PHF20: variants seen among roughly 807,000 people sequenced by gnomAD.
The protein encoded by PHF20 is glioma-expressed antigen 2.
In PHF20, 23 loss-of-function variants were observed where a neutral mutation model predicts 113.5. The observed-to-expected ratio is 0.20, with a 90% CI of 0.15 to 0.29. PHF20 has a LOEUF of 0.29. Ranked by LOEUF, PHF20 falls within the 10% of genes least tolerant of loss-of-function variation. The pLI, the probability that PHF20 is intolerant of heterozygous loss-of-function variation, is 1.00. For synonymous variants in PHF20, 434 were observed against 457.3 expected (o/e 0.95, Z 0.65); for missense variants, 943 against 1,219.6 (o/e 0.77, Z 3.38).
intron 2 of PHF20, among the ~76,000 whole-genome samples, chr20:35,816,195 T>C (rs1160655026): frequency 1.3e-5 from 2 of 152,152 alleles, no homozygotes. Flanking sequence ...GACCTCGTGA[T>C]CCACTTACCT....
At chr20:35,842,788 C>T (rs747716370) in intron 3 of PHF20, 44 bp downstream of exon 3, 1 of 1,548,720 alleles carries the variant, frequency 6.5e-7, no homozygotes, top group Non-Finnish European at 8.8e-7. Flanking sequence ...CAAGGTCAGC[C>T]ATTGGGCTGT....
intron 2 of PHF20, among the ~76,000 whole-genome samples, chr20:35,841,373 G>A (rs981395716): frequency 1.3e-5 from 2 of 151,714 alleles, no homozygotes; most frequent in East Asian, 3.9e-4. Flanking sequence ...AAAATAAAAC[G>A]AAACAATAGC....
chr20:35,941,060 C>T lies in PHF20; in HGVS notation c.2896+13C>T, dbSNP rs201339133. 1.2e-6 allele frequency: 2 copies of T among 1,607,678 alleles called. No homozygotes were observed. The highest frequency in any genetic ancestry group is 2.7e-5 in the African/African-American group (2 of 74,794). ...AAGGAGTTGGATGGTAGGGCTCCTTCATTGGCCCCCTGTGCATTGGCATGC... is the reference window on the plus strand; with the variant it reads ...AAGGAGTTGGATGGTAGGGCTCCTTTATTGGCCCCCTGTGCATTGGCATGC... On this transcript the variant is annotated intron_variant, in intron 17 of 17. Transcript: ENST00000374012.
At chr20:35,781,079 C>G (rs946771703) in intron 1 of PHF20, among the ~76,000 whole-genome samples, 1 of 151,698 alleles carries the variant, frequency 6.6e-6, no homozygotes, top group Non-Finnish European at 1.5e-5. Flanking sequence ...TCTCGAACCC[C>G]TGACCTCAGG....
At chr20:35,917,248 T>A in intron 12 of PHF20, 1 of 611,190 alleles carries the variant, frequency 1.6e-6, no homozygotes, top group South Asian at 1.5e-5. Context: ...GCCGTTGGGC[T>A]TCATTCTCTC....
In PHF20 at chr20:35,884,025, T is replaced by A. The variant is rs528114713; in HGVS notation, c.1282+12196T>A. ...TGAATTCTTTGAGTTGTGGAAAATGTCTTGATCTGGAAACTGAATGGTGTT... is the reference window on the plus strand; with the variant it reads ...TGAATTCTTTGAGTTGTGGAAAATGACTTGATCTGGAAACTGAATGGTGTT... On this transcript the variant is annotated intron_variant, in intron 9 of 17. Transcript: ENST00000374012. Among the ~76,000 whole-genome samples the A allele has an allele frequency of 3.9e-5, 6 of 152,258 alleles. 1 individual carries two copies. In the South Asian group the frequency reaches 1.2e-3, roughly 32 times the overall value.
In PHF20 at chr20:35,899,465, T is replaced by C. The variant is rs761432695; in HGVS notation, c.1378T>C (p.Leu460=). Residue 460 remains leucine, a synonymous_variant, in exon 10 of 18, where the codon TTA becomes CTA. Coordinates refer to ENST00000374012, the MANE Select transcript of PHF20 (RefSeq NM_016436.5). ...HKFRCKVVDC[L]KFFRKAKLLH... Reference sequence around the variant, plus strand: ...GTTTAGATGCAAAGTTGTGGACTGTTTAAAATTTTTCCGCAAAGCCAAACT... The same window carrying C: ...GTTTAGATGCAAAGTTGTGGACTGTCTAAAATTTTTCCGCAAAGCCAAACT... 3.1e-6 allele frequency: 5 copies of C among 1,614,060 alleles called. No individual in the cohort carries two copies. Among genetic ancestry groups the C allele is most frequent in the Non-Finnish European group, 8.5e-7 (1 of 1,180,024 alleles).
chr20:35,855,210 A>G (rs2146958408), intron 4 of PHF20: 1 of 1,287,086 alleles, frequency 7.8e-7, no homozygotes. Context: ...TTAGAATTCC[A>G]TAGCATTGTT....
chr20:35,835,965 A>C (rs1239109595), intron 2 of PHF20, among the ~76,000 whole-genome samples: 1 of 152,088 alleles, frequency 6.6e-6, no homozygotes, highest in African/African-American at 2.4e-5. Context: ...ATAAAAGAGA[A>C]AACTTTTATA....
chr20:35,808,248 CT>C (rs1281296360), intron 2 of PHF20, among the ~76,000 whole-genome samples: 4 of 152,100 alleles, frequency 2.6e-5, no homozygotes, highest in Non-Finnish European at 5.9e-5. Flanking sequence ...TCCTTCCTTA[CT>C]TTTTTTCTTT....
At chr20:35,869,735 G>A (rs1343732810) in intron 7 of PHF20, among the ~76,000 whole-genome samples, 184 bp downstream of exon 7, 1 of 152,126 alleles carries the variant, frequency 6.6e-6, no homozygotes, top group African/African-American at 2.4e-5. Context: ...AAATCCCAAA[G>A]CACAAACTGT....
At chr20:35,867,378 G>A (rs1351114540) in intron 6 of PHF20, among the ~76,000 whole-genome samples, 2 of 152,126 alleles carry the variant, frequency 1.3e-5, no homozygotes, top group Non-Finnish European at 2.9e-5. Context: ...TTGTGCCTCA[G>A]CCTCCCAAGT....
intron 1 of PHF20, among the ~76,000 whole-genome samples, chr20:35,779,085 G>C (rs771717034): frequency 6.6e-6 from 1 of 151,674 alleles, no homozygotes; most frequent in Non-Finnish European, 1.5e-5. Flanking sequence ...GCCCAGGCTA[G>C]AGTACAATGG....
intron 10 of PHF20, among the ~76,000 whole-genome samples, chr20:35,908,629 A>T (rs1488370141): frequency 6.6e-6 from 1 of 152,186 alleles, no homozygotes; most frequent in East Asian, 1.9e-4. Context: ...GTGAAGGTAC[A>T]ACAGATAATA....
intron 15 of PHF20, among the ~76,000 whole-genome samples, chr20:35,933,748 G>A (rs147098672): frequency 2.6e-5 from 4 of 152,252 alleles, no homozygotes; most frequent in African/African-American, 9.6e-5. Context: ...GGCCAGGCTG[G>A]TCTCGAGCTC....
intron 2 of PHF20, among the ~76,000 whole-genome samples, chr20:35,828,779 A>G (rs549472633): frequency 3.9e-5 from 6 of 152,294 alleles, no homozygotes; most frequent in African/African-American, 1.4e-4. Flanking sequence ...AGTGTTTCTC[A>G]AACCTGAAAA....
chr20:35,796,140 G>T (rs1050282344), intron 1 of PHF20, among the ~76,000 whole-genome samples: 2 of 152,008 alleles, frequency 1.3e-5, no homozygotes, highest in African/African-American at 4.8e-5. Flanking sequence ...GTGAGCCACC[G>T]CACCCAGACT....
intron 9 of PHF20, among the ~76,000 whole-genome samples, chr20:35,895,055 G>A (rs972470672): frequency 2.0e-5 from 3 of 151,576 alleles, no homozygotes; most frequent in South Asian, 2.1e-4. Context: ...ACAAAGTCTC[G>A]CTCTGTCGCC....
intron 9 of PHF20, among the ~76,000 whole-genome samples, chr20:35,873,739 A>G (rs1007699203): frequency 2.6e-5 from 4 of 151,506 alleles, no homozygotes; most frequent in African/African-American, 9.7e-5. Flanking sequence ...TTTTTAGGTT[A>G]ACTGATTTTT....
Sources: allele counts gnomAD v4.1 joint callset (sites outside exome capture counted in the v4.1 genomes callset), GRCh38; gene constraint gnomAD v4.1.1; transcripts MANE v1.5; gene names NCBI Gene and HGNC (gene_info 2026-07-23, HGNC 2026-07-21).